Variants in RIMS1 observed in about 807,000 individuals in gnomAD.
RIMS1 encodes regulating synaptic membrane exocytosis 1.
Under a neutral mutation model 214.1 loss-of-function variants are expected in RIMS1, and 83 were observed. The ratio of observed to expected loss-of-function variants is 0.39; its 90% CI spans 0.32 to 0.47. RIMS1 has a LOEUF of 0.47. Among genes scored for constraint, RIMS1 ranks in the 20% least tolerant of loss-of-function variants. RIMS1 has a pLI of 0.99. For synonymous variants in RIMS1, 793 were observed against 786.8 expected, an observed-to-expected ratio of 1.01 and a Z score of -0.13; for missense variants, 2,050 against 2,161.8, an observed-to-expected ratio of 0.95 and a Z score of 1.03.
chr6:72,106,055 C>A (rs916107193), intron 4 of RIMS1, among the ~76,000 whole-genome samples: 2 of 151,940 alleles, frequency 1.3e-5, no homozygotes, highest in Non-Finnish European at 2.9e-5. Context: ...CTTAAAAAGT[C>A]CTTGTTTTTA....
intron 29 of RIMS1, among the ~76,000 whole-genome samples, chr6:72,371,412 C>A (rs1048246289): frequency 7.2e-5 from 11 of 152,218 alleles, no homozygotes; most frequent in African/African-American, 2.7e-4. Flanking sequence ...AGCAAACTGT[C>A]ATCCTGTTTT....
At chr6:71,962,268 CTTTAG>C (rs1793183591) in intron 1 of RIMS1, among the ~76,000 whole-genome samples, 1 of 152,040 alleles carries the variant, frequency 6.6e-6, no homozygotes, top group African/African-American at 2.4e-5. Flanking sequence ...TGTAGTGAAT[CTTTAG>C]TTTATTATCA....
At chr6:72,301,766 T>C (rs2094630164) in intron 26 of RIMS1, among the ~76,000 whole-genome samples, 1 of 151,628 alleles carries the variant, frequency 6.6e-6, no homozygotes, top group Admixed American at 6.6e-5. Flanking sequence ...TATGCCATTT[T>C]ATATAAGAAA....
In RIMS1 at chr6:72,331,552, G is replaced by T. The variant is rs568048820; in HGVS notation, c.4131-2048G>T. The stretch of plus-strand genomic sequence containing the variant: ...GCAAGTAAAATAGTAAAGAAAAGCA[G>T]ATAGAGTAGCCTTAAGGATGGGTGG... On this transcript the variant is annotated intron_variant, in intron 28 of 33. Transcript: ENST00000521978. Among the ~76,000 whole-genome samples, 4 of 151,860 alleles carry T rather than the reference G, an allele frequency of 2.6e-5. No individual in the cohort carries two copies. The South Asian group carries it at 8.3e-4, about 31-fold the overall frequency.
At position 72,400,683 on chromosome 6, in the gene RIMS1, G is replaced by C. The variant is rs2098829979; in HGVS notation, c.5048G>C (p.Ser1683Thr). Reference sequence around the variant, plus strand: ...CGGGCTTCCCAGTCATCTCTGGAAAGTTCAACTGGGCCTCCCTGTATTCGA... The same window carrying C: ...CGGGCTTCCCAGTCATCTCTGGAAACTTCAACTGGGCCTCCCTGTATTCGA... ...TRRASQSSLESSTGPPCIRS is the reference protein window; with the variant it reads ...TRRASQSSLETSTGPPCIRS Residue 1683 changes from serine to threonine, a missense_variant, in exon 34 of 34, where the codon AGT becomes ACT. This residue lies in a region of RIMS1 where 33 missense variants were observed against 40.9 expected (regional missense o/e 0.81). Transcript: ENST00000521978. 6.2e-7 allele frequency: 1 copy of C among 1,613,556 alleles called. No homozygotes were observed. Among genetic ancestry groups the C allele is most frequent in the African/African-American group, 1.3e-5 (1 of 74,920 alleles).
chr6:71,992,447 T>TTTCA (rs1802004094), intron 2 of RIMS1, among the ~76,000 whole-genome samples: 2 of 150,196 alleles, frequency 1.3e-5, no homozygotes, highest in African/African-American at 4.9e-5. Context: ...TCTTTCTTTC[T>TTTCA]TTCTCTTTCT....
intron 2 of RIMS1, among the ~76,000 whole-genome samples, chr6:72,087,982 A>T (rs1007534614): frequency 2.0e-5 from 3 of 152,174 alleles, no homozygotes; most frequent in South Asian, 2.1e-4. Flanking sequence ...AATTATCAGT[A>T]CCCTTCAATT....
chr6:72,385,649 G>A (rs1296595527), intron 29 of RIMS1, among the ~76,000 whole-genome samples: 2 of 152,132 alleles, frequency 1.3e-5, no homozygotes, highest in Non-Finnish European at 2.9e-5. Context: ...CCTCCATTGG[G>A]GCAGGGATTT....
At chr6:72,345,688 G>A (rs900349421) in intron 29 of RIMS1, among the ~76,000 whole-genome samples, 1 of 151,702 alleles carries the variant, frequency 6.6e-6, no homozygotes, top group South Asian at 2.1e-4. Context: ...TAAAAAATGT[G>A]TATTTAAGAC....
chr6:71,974,613 G>T (rs1015454978), intron 2 of RIMS1, among the ~76,000 whole-genome samples: 1 of 152,096 alleles, frequency 6.6e-6, no homozygotes, highest in Non-Finnish European at 1.5e-5. Flanking sequence ...AAAATTTCAT[G>T]TGTGGTATAA....
intron 2 of RIMS1, among the ~76,000 whole-genome samples, chr6:71,984,776 T>TGTATGTATGTATGTA (rs1562029279): frequency 5.5e-5 from 1 of 18,120 alleles, no homozygotes; most frequent in African/African-American, 1.3e-4. Context: ...TATGTACATA[T>TGTATGTATGTATGTA]CTATCTATCT....
At chr6:72,082,708 C>T (rs574731383) in intron 2 of RIMS1, among the ~76,000 whole-genome samples, 3 of 152,236 alleles carry the variant, frequency 2.0e-5, no homozygotes, top group Non-Finnish European at 4.4e-5. Flanking sequence ...ATTATACCCT[C>T]ACTAGGGATA....
intron 4 of RIMS1, among the ~76,000 whole-genome samples, chr6:72,114,152 G>T (rs1587331326): frequency 6.6e-6 from 1 of 152,022 alleles, no homozygotes; most frequent in African/African-American, 2.4e-5. Flanking sequence ...TAGAGAAAAT[G>T]AGGAAATTAG....
intron 28 of RIMS1, among the ~76,000 whole-genome samples, chr6:72,325,661 T>C (rs1417715876): frequency 6.6e-6 from 1 of 151,822 alleles, no homozygotes; most frequent in African/African-American, 2.4e-5. Flanking sequence ...TAACAAAATG[T>C]GCATAAGCCC....
rs1022653004 is a variant in RIMS1, at chr6:72,267,080, AT to A, written c.3398+1033del. On this transcript the variant is annotated intron_variant, in intron 22 of 33. Transcript: ENST00000521978. The stretch of plus-strand genomic sequence containing the variant: ...TTAAGAATTTACTTTTAAATTGTGT[AT>A]TCTTTTACATTTGTAAACTGTGTAA... Among the ~76,000 whole-genome samples, 56 of 152,194 alleles carry A rather than the reference AT, an allele frequency of 3.7e-4. 1 individual carries two copies. Among genetic ancestry groups the A allele is most frequent in the African/African-American group, 1.3e-3 (54 of 41,552 alleles).
intron 4 of RIMS1, among the ~76,000 whole-genome samples, chr6:72,102,882 C>CA (rs1407565925): frequency 1.3e-5 from 2 of 152,078 alleles, no homozygotes; most frequent in Non-Finnish European, 2.9e-5. Flanking sequence ...AAAGTCTTCT[C>CA]AGAGTTATCC....
At chr6:72,340,148 T>C (rs2097006163) in intron 29 of RIMS1, among the ~76,000 whole-genome samples, 1 of 151,982 alleles carries the variant, frequency 6.6e-6, no homozygotes, top group African/African-American at 2.4e-5. Context: ...TTTTTTCTTG[T>C]AAATTTGTTT....
At chr6:71,973,386 G>A (rs1796370284) in intron 2 of RIMS1, among the ~76,000 whole-genome samples, 1 of 152,094 alleles carries the variant, frequency 6.6e-6, no homozygotes, top group South Asian at 2.1e-4. Context: ...TGGTCTTAAG[G>A]TCTCTCTCAA....
chr6:72,153,924 T>C (rs1309270723), intron 4 of RIMS1, among the ~76,000 whole-genome samples: 1 of 152,088 alleles, frequency 6.6e-6, no homozygotes, highest in Non-Finnish European at 1.5e-5. Context: ...CATGAAAAAA[T>C]AGAACTTCTT....
Sources: gnomAD v4.1 joint callset for allele counts (sites outside exome capture counted in the v4.1 genomes callset) on GRCh38, gnomAD v4.1.1 for gene constraint, gnomAD v4.1.1 regional missense constraint, MANE v1.5 for transcripts, NCBI Gene and HGNC (gene_info 2026-07-23, HGNC 2026-07-21) for gene names.